The following ABTB3 variants were observed in gnomAD, a reference collection of about 807,000 sequenced individuals.
ABTB3 encodes ankyrin repeat and BTB domain containing 3, also known as ankyrin repeat- and BTB/POZ domain-containing protein 3.
chr12:107,498,382 G>A, the ABTB3 span, among the ~76,000 whole-genome samples: 5 of 152,140 alleles, frequency 3.3e-5, no homozygotes, highest in East Asian at 1.9e-4. Context: ...GAGGAGCCTC[G>A]TGAAGCTCAG....
At chr12:107,556,004 T>C in the ABTB3 span, among the ~76,000 whole-genome samples, 1 of 152,182 alleles carries the variant, frequency 6.6e-6, no homozygotes, top group Non-Finnish European at 1.5e-5. Flanking sequence ...CACCATCTCA[T>C]TTTGCCAGGT....
At chr12:107,338,762 A>G in the ABTB3 span, among the ~76,000 whole-genome samples, 998 of 152,332 alleles carry the variant, frequency 6.6e-3, 6 homozygotes, top group Non-Finnish European at 1.0e-2. Context: ...TCTTATCAGC[A>G]GTCATCAGAG....
chr12:107,476,009 G>A, the ABTB3 span, among the ~76,000 whole-genome samples: 8 of 152,160 alleles, frequency 5.3e-5, no homozygotes, highest in Admixed American at 2.0e-4. Flanking sequence ...TTAAAGCCGT[G>A]GATCACACTT....
At chr12:107,542,311 C>CA in the ABTB3 span, among the ~76,000 whole-genome samples, 643 of 119,092 alleles carry the variant, frequency 5.4e-3, 17 homozygotes, top group Middle Eastern at 0.013. Flanking sequence ...AACTCTGTCT[C>CA]AAAAAAAAAA....
At chr12:107,628,032 G>A in the ABTB3 span, among the ~76,000 whole-genome samples, 5 of 152,242 alleles carry the variant, frequency 3.3e-5, no homozygotes, top group East Asian at 1.9e-4. Flanking sequence ...ATCCTTCTGG[G>A]GCCGGTAGCC....
chr12:107,591,512 C>G, the ABTB3 span, among the ~76,000 whole-genome samples: 10 of 152,102 alleles, frequency 6.6e-5, no homozygotes, highest in Non-Finnish European at 1.3e-4. Context: ...CTCACTATCA[C>G]GAGAACAGCA....
At chr12:107,613,290 CT>C in the ABTB3 span, among the ~76,000 whole-genome samples, 9 of 152,172 alleles carry the variant, frequency 5.9e-5, no homozygotes, top group Non-Finnish European at 1.2e-4. Flanking sequence ...GGCTCAATCC[CT>C]AAGCTGAAGT....
chr12:107,437,971 A>G, the ABTB3 span, among the ~76,000 whole-genome samples: 1 of 152,082 alleles, frequency 6.6e-6, no homozygotes, highest in East Asian at 1.9e-4. Context: ...GCTCTTGATC[A>G]GAGCTGCTAA....
At chr12:107,627,506 G>T in the ABTB3 span, among the ~76,000 whole-genome samples, 1 of 152,222 alleles carries the variant, frequency 6.6e-6, no homozygotes, top group African/African-American at 2.4e-5. Flanking sequence ...TCCTGACCCA[G>T]ACACAAAACC....
chr12:107,583,646 G>A, the ABTB3 span, among the ~76,000 whole-genome samples: 7 of 152,004 alleles, frequency 4.6e-5, no homozygotes, highest in African/African-American at 7.3e-5. Flanking sequence ...CCATCTCTGC[G>A]CCCCCCCTCC....
chr12:107,355,135 T>C, the ABTB3 span, among the ~76,000 whole-genome samples: 4 of 152,174 alleles, frequency 2.6e-5, no homozygotes, highest in Admixed American at 2.6e-4. Context: ...CTTTTTATAG[T>C]TTGAGAGATC....
At chr12:107,617,468 C>A in the ABTB3 span, 1 of 1,609,474 alleles carries the variant, frequency 6.2e-7, no homozygotes. Context: ...CCAGAGGTCC[C>A]GAGTGGTGTT....
At chr12:107,521,106 C>T in the ABTB3 span, among the ~76,000 whole-genome samples, 37 of 152,004 alleles carry the variant, frequency 2.4e-4, no homozygotes, top group Non-Finnish European at 4.6e-4. Context: ...ATTCAGGGGG[C>T]TAAAGGAGGA....
At chr12:107,552,392 C>T in the ABTB3 span, among the ~76,000 whole-genome samples, 13 of 152,314 alleles carry the variant, frequency 8.5e-5, no homozygotes, top group East Asian at 1.9e-3. Context: ...AAAGAAGGAA[C>T]TTTGAATGAC....
chr12:107,627,845 G>A, the ABTB3 span, among the ~76,000 whole-genome samples: 2 of 152,186 alleles, frequency 1.3e-5, no homozygotes, highest in Non-Finnish European at 2.9e-5. Context: ...AAATACCATC[G>A]ATGCAATTTA....
the ABTB3 span, among the ~76,000 whole-genome samples, chr12:107,427,071 A>G: frequency 6.6e-6 from 1 of 152,226 alleles, no homozygotes; most frequent in Non-Finnish European, 1.5e-5. Flanking sequence ...TCCTATGGTC[A>G]TGGAGGTCAG....
At chr12:107,322,978 GT>G in the ABTB3 span, among the ~76,000 whole-genome samples, 2 of 152,128 alleles carry the variant, frequency 1.3e-5, no homozygotes, top group African/African-American at 4.8e-5. Flanking sequence ...GATTTTTCAT[GT>G]TTTTCTATCC....
the ABTB3 span, among the ~76,000 whole-genome samples, chr12:107,395,181 G>A: frequency 4.0e-4 from 61 of 152,342 alleles, 1 homozygote; most frequent in East Asian, 0.011. Context: ...CTGCCATTGA[G>A]TTGACCTGTT....
chr12:107,494,245 GC>G, the ABTB3 span, among the ~76,000 whole-genome samples: 3 of 152,158 alleles, frequency 2.0e-5, no homozygotes, highest in African/African-American at 7.2e-5. Flanking sequence ...GCACTGTGGG[GC>G]TCCCAGGTCA....
Sources: allele counts gnomAD v4.1 joint callset (sites outside exome capture counted in the v4.1 genomes callset), GRCh38; gene constraint gnomAD v4.1.1; transcripts MANE v1.5; gene names NCBI Gene and HGNC (gene_info 2026-07-23, HGNC 2026-07-21).